The following ETNK1 variants were observed in gnomAD, a reference collection of about 807,000 sequenced individuals.
ETNK1 encodes ethanolamine kinase 1.
Under a neutral mutation model 45.1 loss-of-function variants are expected in ETNK1, and 8 were observed. That is an observed-to-expected ratio of 0.18 (90% confidence interval 0.10 to 0.32). ETNK1 has a LOEUF of 0.32. ETNK1 is among the 10% of genes least tolerant of loss of function. ETNK1 has a pLI of 1.00. For synonymous variants in ETNK1, 152 were observed against 151.9 expected (o/e 1.00, Z -0.01); for missense variants, 302 against 430.6 (o/e 0.70, Z 2.64).
intron 6 of ETNK1, among the ~76,000 whole-genome samples, chr12:22,677,020 C>T (rs912130129): frequency 6.6e-6 from 1 of 152,040 alleles, no homozygotes; most frequent in African/African-American, 2.4e-5. Flanking sequence ...TAATTAGATC[C>T]CATTTGTATA....
chr12:22,641,564 T>A (rs1380330627), intron 1 of ETNK1, among the ~76,000 whole-genome samples: 2 of 152,164 alleles, frequency 1.3e-5, no homozygotes, highest in African/African-American at 4.8e-5. Context: ...CAAGGCCTAG[T>A]GAGTGCCAGG....
chr12:22,650,735 TTTAA>T (rs536599934), intron 2 of ETNK1, among the ~76,000 whole-genome samples: 314 of 152,070 alleles, frequency 2.1e-3, no homozygotes, highest in African/African-American at 7.1e-3. Flanking sequence ...AAAATAATCT[TTTAA>T]ATAAATAGGA....
intron 1 of ETNK1, among the ~76,000 whole-genome samples, chr12:22,640,796 C>G (rs1241631983): frequency 6.6e-6 from 1 of 152,128 alleles, no homozygotes; most frequent in Non-Finnish European, 1.5e-5. Context: ...GATTCAAACT[C>G]AAACTCTGGC....
chr12:22,684,840 TC>T (rs750427959), intron 7 of ETNK1, 41 bp from the exon 8 acceptor site: 1 of 1,511,670 alleles, frequency 6.6e-7, no homozygotes, highest in East Asian at 2.3e-5. Flanking sequence ...ACCAAGTTTT[TC>T]AGCTTTGACT....
rs564671119 is a variant in ETNK1, at chr12:22,645,154, G to T, written c.416+1132G>T. Among the ~76,000 whole-genome samples the T allele has an allele frequency of 7.2e-5, 11 of 151,870 alleles. No individual in the cohort carries two copies. In the South Asian group the frequency reaches 2.3e-3, roughly 31 times the overall value. ...CAATTGTTTTGTGGTCTTTAGGCTT[G>T]CATGTATTTATAAATCCTCAATCTT... On this transcript the variant is annotated intron_variant, in intron 2 of 7. Transcript: ENST00000266517.
Position 22,685,720 on chromosome 12 carries a change from G to A in ETNK1, c.*766G>A, listed in dbSNP as rs761731500. The A allele has an allele frequency of 3.3e-5, 5 of 151,028 alleles. No homozygotes were observed. Among genetic ancestry groups the A allele is most frequent in the East Asian group, 1.9e-4 (1 of 5,176 alleles). 9.4% of individuals were successfully genotyped at this position (151,028 alleles called of 1,614,324 possible). A position where few individuals can be genotyped will look rare whatever the true frequency, so the allele number is the denominator to read the frequency against. ...ATGTTTTCAAATGCTAAATATGGTCGTTACTATTTTCAGTTTTAAAAATTT... is the reference window on the plus strand; with the variant it reads ...ATGTTTTCAAATGCTAAATATGGTCATTACTATTTTCAGTTTTAAAAATTT... On this transcript the variant is annotated 3_prime_UTR_variant, in exon 8 of 8. Coordinates refer to ENST00000266517, the MANE Select transcript of ETNK1 (RefSeq NM_018638.5).
At chr12:22,661,457 G>T (rs1164830394) in intron 4 of ETNK1, among the ~76,000 whole-genome samples, 1 of 151,962 alleles carries the variant, frequency 6.6e-6, no homozygotes, top group Non-Finnish European at 1.5e-5. Flanking sequence ...GGATTTTTAG[G>T]TATAAAATGA....
Position 22,643,672 on chromosome 12 carries a change from T to C in ETNK1, c.157-91T>C, listed in dbSNP as rs1200263597. 8 of 975,812 alleles carry C rather than the reference T, an allele frequency of 8.2e-6. No individual in the cohort carries two copies. In the African/African-American group the frequency reaches 1.1e-4, roughly 14 times the overall value. The allele number at this position is 975,812 out of a possible 1,614,324, so 60.4% of individuals were successfully genotyped here. On this transcript the variant is annotated intron_variant, in intron 1 of 7. Transcript: ENST00000266517. ...TGAAGAAGTTGGTGTTTTCTTTAATTAGTATTTAACTCATGATTTTCAATT... is the reference window on the plus strand; with the variant it reads ...TGAAGAAGTTGGTGTTTTCTTTAATCAGTATTTAACTCATGATTTTCAATT...
chr12:22,641,029 G>A (rs1401796515), intron 1 of ETNK1, among the ~76,000 whole-genome samples: 1 of 151,946 alleles, frequency 6.6e-6, no homozygotes, highest in Non-Finnish European at 1.5e-5. Context: ...AGTTACTTGT[G>A]GTTTATGTAT....
chr12:22,632,611 G>A (rs551550732), intron 1 of ETNK1, among the ~76,000 whole-genome samples: 9 of 151,838 alleles, frequency 5.9e-5, no homozygotes, highest in Non-Finnish European at 1.2e-4. Flanking sequence ...CTGAGCTCAC[G>A]CGATCCCTTC....
intron 3 of ETNK1, among the ~76,000 whole-genome samples, chr12:22,659,687 A>G (rs879314639): frequency 2.0e-5 from 3 of 152,206 alleles, no homozygotes; most frequent in Admixed American, 2.0e-4. Context: ...TAGTATATGT[A>G]AAGTTCTTTA....
chr12:22,642,758 T>C (rs630588), intron 1 of ETNK1, among the ~76,000 whole-genome samples: 3 of 152,064 alleles, frequency 2.0e-5, no homozygotes, highest in Admixed American at 1.3e-4. Context: ...AAAAAAATGT[T>C]CTGAATTCTT....
chr12:22,669,404 T>TC lies in ETNK1; in HGVS notation c.701-1861dup, dbSNP rs560468946. 9.2e-3 allele frequency among the ~76,000 whole-genome samples: 1,399 copies of TC among 151,982 alleles called. 71 individuals carry two copies. Among genetic ancestry groups the TC allele is most frequent in the Admixed American group, 0.081 (1,241 of 15,252 alleles). The stretch of plus-strand genomic sequence containing the variant: ...ATTTTGGTTTATTTCCATTCATCCT[T>TC]CCCCCCCATGCATTATTTACATATT... On this transcript the variant is annotated intron_variant, in intron 4 of 7. Transcript: ENST00000266517.
chr12:22,683,261 CT>C (rs572284999), intron 6 of ETNK1, among the ~76,000 whole-genome samples: 429 of 142,466 alleles, frequency 3.0e-3, no homozygotes, highest in Middle Eastern at 3.6e-3. Context: ...TATTCCTGTT[CT>C]TTTTTTTTTT....
intron 2 of ETNK1, among the ~76,000 whole-genome samples, 196 bp from the exon 3 acceptor site, chr12:22,658,818 A>G (rs1431289919): frequency 6.6e-6 from 1 of 152,182 alleles, no homozygotes; most frequent in East Asian, 1.9e-4. Flanking sequence ...ACCTGATCAG[A>G]TATCAAGGGT....
In ETNK1 at chr12:22,634,049, A is replaced by G. The variant is rs373785890; in HGVS notation, c.156+8463A>G. 1.6e-3 allele frequency among the ~76,000 whole-genome samples: 247 copies of G among 152,248 alleles called. 1 individual carries two copies. The highest frequency in any genetic ancestry group is 5.7e-3 in the African/African-American group (235 of 41,562). On this transcript the variant is annotated intron_variant, in intron 1 of 7. Coordinates refer to ENST00000266517, the MANE Select transcript of ETNK1 (RefSeq NM_018638.5). ...CCCAGTCTTAAGGAGAACATTTTCA[A>G]TAATTTATTGTTAGGTATGATATAT...
intron 1 of ETNK1, among the ~76,000 whole-genome samples, chr12:22,630,627 T>A (rs966838552): frequency 3.3e-5 from 5 of 151,640 alleles, no homozygotes; most frequent in African/African-American, 2.4e-5. Flanking sequence ...ATTTTATTTT[T>A]TTTGAGACAG....
At position 22,686,331 on chromosome 12, in the gene ETNK1, T is replaced by A. The variant is rs1954260395; in HGVS notation, c.*1377T>A. ...TCATGGTTAACTTTACTTAGAAAATTAGTCTGACAAGCTTTGCACTTCGGT... is the reference window on the plus strand; with the variant it reads ...TCATGGTTAACTTTACTTAGAAAATAAGTCTGACAAGCTTTGCACTTCGGT... On this transcript the variant is annotated 3_prime_UTR_variant, in exon 8 of 8. Transcript: ENST00000266517. 1 of 152,342 alleles carries A rather than the reference T, an allele frequency of 6.6e-6. No homozygotes were observed. Among genetic ancestry groups the A allele is most frequent in the Non-Finnish European group, 1.5e-5 (1 of 67,816 alleles). The allele number at this position is 152,342 out of a possible 1,614,324, so 9.4% of individuals were successfully genotyped here. A position where few individuals can be genotyped will look rare whatever the true frequency, so the allele number is the denominator to read the frequency against.
chr12:22,682,688 T>C (rs1399257732), intron 6 of ETNK1, among the ~76,000 whole-genome samples: 1 of 152,150 alleles, frequency 6.6e-6, no homozygotes, highest in Non-Finnish European at 1.5e-5. Flanking sequence ...TGTGTGATGG[T>C]GAAGAATAAG....
Sources: allele counts gnomAD v4.1 joint callset (sites outside exome capture counted in the v4.1 genomes callset), GRCh38; gene constraint gnomAD v4.1.1; transcripts MANE v1.5; gene names NCBI Gene and HGNC (gene_info 2026-07-23, HGNC 2026-07-21).